VPS13D: variants seen among roughly 807,000 people sequenced by gnomAD.
VPS13D encodes the protein intermembrane lipid transfer protein VPS13D.
Under a neutral mutation model 461.9 loss-of-function variants are expected in VPS13D, and 187 were observed. That is an observed-to-expected ratio of 0.40 (90% CI 0.36 to 0.46). VPS13D has a LOEUF of 0.46. Among genes scored for constraint, VPS13D ranks in the 20% least tolerant of loss-of-function variants. VPS13D has a pLI of 0.60. For missense variants in VPS13D, 4,711 were observed against 5,364.9 expected, an observed-to-expected ratio of 0.88 and a Z score of 3.81; for synonymous variants, 1,951 against 1,986.3, an observed-to-expected ratio of 0.98 and a Z score of 0.47.
chr1:12,446,486 T>TCAAAATCTTCTTTTTTTA (rs1645193890), intron 65 of VPS13D, among the ~76,000 whole-genome samples: 2 of 152,106 alleles, frequency 1.3e-5, no homozygotes, highest in Non-Finnish European at 2.9e-5. Flanking sequence ...AAATGAACTT[T>TCAAAATCTTCTTTTTTTA]CAAAATCTTC....
intron 29 of VPS13D, 132 bp downstream of exon 29, chr1:12,312,057 G>GCCTCCACC: frequency 1.9e-6 from 1 of 539,472 alleles, no homozygotes; most frequent in Non-Finnish European, 3.0e-6. Flanking sequence ...GTGTCTTTTG[G>GCCTCCACC]TTGATCTACA....
chr1:12,339,804 A>G (rs1362742881), intron 40 of VPS13D, among the ~76,000 whole-genome samples: 1 of 152,198 alleles, frequency 6.6e-6, no homozygotes, highest in Non-Finnish European at 1.5e-5. Flanking sequence ...AGACCTAAGC[A>G]TTGTGCCTAC....
chr1:12,306,711 A>G (rs979846060), intron 26 of VPS13D, among the ~76,000 whole-genome samples: 2 of 152,060 alleles, frequency 1.3e-5, no homozygotes, highest in South Asian at 2.1e-4. Context: ...GCAGTCCCCA[A>G]CCTTTTTGGC....
chr1:12,343,058 T>A lies in VPS13D; in HGVS notation c.8885+7T>A. The A allele has an allele frequency of 6.2e-7, 1 of 1,606,646 alleles. No homozygotes were observed. Among genetic ancestry groups the A allele is most frequent in the South Asian group, 1.1e-5 (1 of 90,200 alleles). On this transcript the variant is annotated splice_region_variant and intron_variant, in intron 42 of 69. Transcript: ENST00000620676. Reference sequence around the variant, plus strand: ...GAGGAAAGTTAAGACACAGGTAAAGTATGGTTTATTCTTTTCTTTAAAAAA... The same window carrying A: ...GAGGAAAGTTAAGACACAGGTAAAGAATGGTTTATTCTTTTCTTTAAAAAA...
intron 29 of VPS13D, among the ~76,000 whole-genome samples, chr1:12,312,217 G>C (rs1172757699): frequency 4.6e-5 from 7 of 152,216 alleles, no homozygotes; most frequent in African/African-American, 1.7e-4. Context: ...GGTCTGGGCT[G>C]CTCTGCTTGT....
At chr1:12,381,950 C>T (rs550234045) in intron 57 of VPS13D, among the ~76,000 whole-genome samples, 2 of 134,168 alleles carry the variant, frequency 1.5e-5, no homozygotes, top group African/African-American at 2.9e-5. Context: ...TTCTTTCTTT[C>T]TTTCTTTCTT....
chr1:12,385,491 C>A, intron 59 of VPS13D, 118 bp downstream of exon 59: 1 of 775,544 alleles, frequency 1.3e-6, no homozygotes, highest in Non-Finnish European at 2.0e-6. Flanking sequence ...ATATGAGTTA[C>A]GCTTCACAGT....
chr1:12,472,900 T>G (rs1570243673), intron 67 of VPS13D, among the ~76,000 whole-genome samples: 1 of 152,212 alleles, frequency 6.6e-6, no homozygotes, highest in Non-Finnish European at 1.5e-5. Context: ...GGCTCTTCTT[T>G]CCCCGAAAGA....
chr1:12,388,052 C>T (rs1282515266), intron 60 of VPS13D, among the ~76,000 whole-genome samples: 4 of 152,044 alleles, frequency 2.6e-5, no homozygotes, highest in Non-Finnish European at 5.9e-5. Flanking sequence ...ATGATAACTA[C>T]CTGGGTAAAT....
At chr1:12,403,736 AT>A (rs1644611011) in intron 62 of VPS13D, 88 bp from the exon 63 acceptor site, 1 of 1,327,408 alleles carries the variant, frequency 7.5e-7, no homozygotes, top group Non-Finnish European at 1.0e-6. Flanking sequence ...TTTTTTGATG[AT>A]TTTTTTCTAT....
chr1:12,365,481 G>A (rs539493533), intron 52 of VPS13D, among the ~76,000 whole-genome samples: 2 of 152,214 alleles, frequency 1.3e-5, no homozygotes, highest in African/African-American at 2.4e-5. Flanking sequence ...CTAGGTGGGC[G>A]GATCACGAGG....
At chr1:12,497,851 G>C (rs1042600370) in intron 68 of VPS13D, among the ~76,000 whole-genome samples, 3 of 152,168 alleles carry the variant, frequency 2.0e-5, no homozygotes, top group Non-Finnish European at 2.9e-5. Context: ...CCATAGCCTG[G>C]CCTTAGTGTT....
chr1:12,388,792 G>T (rs778195758), intron 60 of VPS13D, among the ~76,000 whole-genome samples: 1 of 152,086 alleles, frequency 6.6e-6, no homozygotes, highest in Non-Finnish European at 1.5e-5. Flanking sequence ...CCAATTATAT[G>T]TTGCCTACAA....
chr1:12,371,384 T>C (rs1557738793), intron 54 of VPS13D, among the ~76,000 whole-genome samples: 1 of 151,576 alleles, frequency 6.6e-6, no homozygotes, highest in African/African-American at 2.4e-5. Context: ...GTGGCAATGC[T>C]TCATTCTTTT....
At chr1:12,261,838 C>G in intron 12 of VPS13D, 63 bp from the exon 13 acceptor site, 2 of 1,404,888 alleles carry the variant, frequency 1.4e-6, no homozygotes, top group South Asian at 2.9e-5. Flanking sequence ...GATCAGTCTG[C>G]TTGCTGGTGC....
chr1:12,249,869 T>C (rs1640679225), intron 6 of VPS13D, among the ~76,000 whole-genome samples: 1 of 152,208 alleles, frequency 6.6e-6, no homozygotes, highest in African/African-American at 2.4e-5. Flanking sequence ...ATCAACTCAG[T>C]GTCCTATAGT....
intron 65 of VPS13D, among the ~76,000 whole-genome samples, chr1:12,429,304 CTT>C (rs1644963750): frequency 7.2e-6 from 1 of 139,688 alleles, no homozygotes; most frequent in East Asian, 2.0e-4. Flanking sequence ...TTTTTTTTCT[CTT>C]TTTGAGATGG....
intron 65 of VPS13D, among the ~76,000 whole-genome samples, chr1:12,425,945 G>A (rs1213748179): frequency 1.3e-5 from 2 of 152,200 alleles, no homozygotes; most frequent in African/African-American, 4.8e-5. Context: ...TGAGCCGTTG[G>A]AAACAACATT....
At chr1:12,469,595 T>A (rs1315180053) in intron 67 of VPS13D, among the ~76,000 whole-genome samples, 1 of 152,234 alleles carries the variant, frequency 6.6e-6, no homozygotes, top group Non-Finnish European at 1.5e-5. Context: ...AAGTAGCACA[T>A]ATCGGCAATG....
Sources: gnomAD v4.1 joint callset for allele counts (sites outside exome capture counted in the v4.1 genomes callset) on GRCh38, gnomAD v4.1.1 for gene constraint, MANE v1.5 for transcripts, NCBI Gene and HGNC (gene_info 2026-07-23, HGNC 2026-07-21) for gene names.